The following TGM2 variants were observed in gnomAD, a reference collection of about 807,000 sequenced individuals.
TGM2 encodes transglutaminase 2, also known as protein-glutamine gamma-glutamyltransferase 2.
A neutral mutation model predicts 75.6 loss-of-function variants in TGM2; 53 were observed. That is an observed-to-expected ratio of 0.70 (90% CI 0.56 to 0.88). The LOEUF (loss-of-function observed/expected upper bound fraction) is 0.88. TGM2 is among the 40% of genes least tolerant of loss of function. The pLI, the probability that TGM2 is intolerant of heterozygous loss-of-function variation, is 0.00. For synonymous variants in TGM2, 374 were observed against 381.1 expected (o/e 0.98, Z 0.22); for missense variants, 842 against 928.5 (o/e 0.91, Z 1.21).
chr20:38,159,093 G>A lies in TGM2; in HGVS notation c.190+2327C>T, dbSNP rs555987523. Reference sequence around the variant, plus strand: ...GGAGGACAGAGATTAGCTTGCTGAGGTGGGAAGGTCAGCAGCAGCCCTTCA... The same window carrying A: ...GGAGGACAGAGATTAGCTTGCTGAGATGGGAAGGTCAGCAGCAGCCCTTCA... On this transcript the variant is annotated intron_variant, in intron 2 of 12. Transcript: ENST00000361475. 5.3e-5 allele frequency among the ~76,000 whole-genome samples: 8 copies of A among 152,314 alleles called. No homozygotes were observed. The South Asian group carries it at 1.7e-3, about 32-fold the overall frequency.
At chr20:38,141,255 T>C in intron 8 of TGM2, 27 bp downstream of exon 8, 1 of 1,537,002 alleles carries the variant, frequency 6.5e-7, no homozygotes, top group African/African-American at 1.4e-5. Flanking sequence ...CCCCATCTGT[T>C]TGACGCGACA....
In TGM2 at chr20:38,129,918, G is replaced by T. The variant is rs573350454; in HGVS notation, c.*301C>A. ...TGGGTGGTCAATGGCTTTCCAAAGG[G>T]CATCTGGGCAGGAGAGGGAATGTAG... On this transcript the variant is annotated 3_prime_UTR_variant, in exon 13 of 13. Coordinates refer to ENST00000361475, the MANE Select transcript of TGM2 (RefSeq NM_004613.4). 6.5e-5 allele frequency: 29 copies of T among 446,718 alleles called. No individual in the cohort carries two copies. Among genetic ancestry groups the T allele is most frequent in the African/African-American group, 4.9e-4 (25 of 51,052 alleles). 27.7% of individuals were successfully genotyped at this position (446,718 alleles called of 1,614,324 possible).
At position 38,139,464 on chromosome 20, in the gene TGM2, G is replaced by A. The variant is rs868555162; in HGVS notation, c.1290C>T (p.Ser430=). 4 of 1,614,156 alleles carry A rather than the reference G, an allele frequency of 2.5e-6. No individual in the cohort carries two copies. In the Middle Eastern group the frequency reaches 4.9e-4, roughly 200 times the overall value. ...TATCCTCCCGCTCGTCTCGGCCCACGCTCTTAGTGCTGATCTTCAGCCCAA... is the reference window on the plus strand; with the variant it reads ...TATCCTCCCGCTCGTCTCGGCCCACACTCTTAGTGCTGATCTTCAGCCCAA... The part of the protein sequence containing the change: ...LIVGLKISTK[S]VGRDEREDIT... The change falls in exon 9 of 13, where the codon AGC becomes AGT. Residue 430 remains serine, a synonymous_variant. Transcript: ENST00000361475.
Position 38,165,042 on chromosome 20 carries a change from C to T in TGM2, c.10+147G>A. 3 of 1,175,490 alleles carry T rather than the reference C, an allele frequency of 2.6e-6. No homozygotes were observed. The South Asian group carries it at 3.9e-5, about 15-fold the overall frequency. The allele number at this position is 1,175,490 out of a possible 1,614,324, so 72.8% of individuals were successfully genotyped here. ...TGCAGTGTGGATGGGGAAACTGAGG[C>T]TCCAAGCAGCATTGAGACGCCTCCT... On this transcript the variant is annotated intron_variant, in intron 1 of 12. Coordinates refer to ENST00000361475, the MANE Select transcript of TGM2 (RefSeq NM_004613.4).
Position 38,131,243 on chromosome 20 carries a change from TGGGGCAGATGTCAAGGGCA to T in TGM2, c.1777-33_1777-15del, listed in dbSNP as rs1273968426. On this transcript the variant is annotated splice_polypyrimidine_tract_variant and intron_variant, in intron 11 of 12. Transcript: ENST00000361475. The stretch of plus-strand genomic sequence containing the variant: ...CTCCCCAAGGATCTGGAAGAGGGCA[TGGGGCAGATGTCAAGGGCA>T]GGTGGGATCCAGGCTGGGCTGTCTG... 6.2e-7 allele frequency: 1 copy of T among 1,613,306 alleles called. No individual in the cohort carries two copies. Among genetic ancestry groups the T allele is most frequent in the Non-Finnish European group, 8.5e-7 (1 of 1,179,990 alleles).
chr20:38,134,039 G>T (rs1259553836), intron 10 of TGM2, among the ~76,000 whole-genome samples: 1 of 152,230 alleles, frequency 6.6e-6, no homozygotes, highest in Non-Finnish European at 1.5e-5. Context: ...GCTAAAGAGG[G>T]AGATTGGCAA....
intron 10 of TGM2, 160 bp downstream of exon 10, chr20:38,137,953 G>A (rs2074919917): frequency 7.0e-7 from 1 of 1,429,492 alleles, no homozygotes; most frequent in African/African-American, 1.4e-5. Flanking sequence ...TAAGAATTAA[G>A]TGGGTTGATA....
chr20:38,138,004 G>T (rs926030132), intron 10 of TGM2, 109 bp downstream of exon 10: 16 of 1,482,798 alleles, frequency 1.1e-5, no homozygotes, highest in Admixed American at 2.3e-5. Flanking sequence ...CAGAGTCAGC[G>T]CCATGTAAGT....
At position 38,131,844 on chromosome 20, in the gene TGM2, C is replaced by G. The variant is rs138939667; in HGVS notation, c.1776+496G>C. Reference sequence around the variant, plus strand: ...CCCTTATCATGTGCTGAGGATGGCTCTATGTGTTTCCTGTGGATATGCTTT... The same window carrying G: ...CCCTTATCATGTGCTGAGGATGGCTGTATGTGTTTCCTGTGGATATGCTTT... On this transcript the variant is annotated intron_variant, in intron 11 of 12. Transcript: ENST00000361475. 4.7e-3 allele frequency among the ~76,000 whole-genome samples: 717 copies of G among 152,168 alleles called. 2 individuals are homozygous for G. The highest frequency in any genetic ancestry group is 0.017 in the African/African-American group (694 of 41,484).
intron 10 of TGM2, 74 bp downstream of exon 10, chr20:38,138,039 C>G: frequency 6.6e-7 from 1 of 1,508,324 alleles, no homozygotes; most frequent in Non-Finnish European, 8.9e-7. Context: ...ATCACACATG[C>G]TAAGTGGTTA....
chr20:38,152,304 C>T (rs1410093234), intron 3 of TGM2, among the ~76,000 whole-genome samples: 1 of 152,168 alleles, frequency 6.6e-6, no homozygotes, highest in Non-Finnish European at 1.5e-5. Context: ...CCGTCTGCAG[C>T]AACCAGCAGC....
chr20:38,135,945 C>T (rs553136897), intron 10 of TGM2, among the ~76,000 whole-genome samples: 37 of 152,276 alleles, frequency 2.4e-4, no homozygotes, highest in African/African-American at 7.7e-4. Flanking sequence ...ATGTAACAGG[C>T]GAGCATGACC....
At chr20:38,159,598 C>T (rs2075230765) in intron 2 of TGM2, among the ~76,000 whole-genome samples, 1 of 152,214 alleles carries the variant, frequency 6.6e-6, no homozygotes, top group South Asian at 2.1e-4. Flanking sequence ...AGCAGCTCAT[C>T]TACCATTCCA....
intron 3 of TGM2, among the ~76,000 whole-genome samples, chr20:38,155,292 G>A (rs563291762): frequency 1.3e-5 from 2 of 152,248 alleles, no homozygotes; most frequent in East Asian, 1.9e-4. Flanking sequence ...CAAACAGCGA[G>A]TGAAGTCCCT....
chr20:38,148,802 AC>A (rs1237717373), intron 4 of TGM2, among the ~76,000 whole-genome samples: 2 of 151,846 alleles, frequency 1.3e-5, no homozygotes, highest in Non-Finnish European at 2.9e-5. Context: ...CAGGGCTCAC[AC>A]CTCCTCATCC....
At chr20:38,165,041 G>T (rs2075296124) in intron 1 of TGM2, 148 bp downstream of exon 1, 6 of 1,160,532 alleles carry the variant, frequency 5.2e-6, no homozygotes, top group Non-Finnish European at 7.6e-6. Flanking sequence ...GGAAACTGAG[G>T]CTCCAAGCAG....
chr20:38,164,493 C>G (rs1040680810), intron 1 of TGM2, among the ~76,000 whole-genome samples: 3 of 152,184 alleles, frequency 2.0e-5, no homozygotes, highest in African/African-American at 4.8e-5. Flanking sequence ...CCACTCCTCT[C>G]GTTCCTCACA....
rs368418210 is a variant in TGM2, at chr20:38,156,092, G to A, written c.191-3C>T. 5 of 1,611,690 alleles carry A rather than the reference G, an allele frequency of 3.1e-6. No homozygotes were observed. Among genetic ancestry groups the A allele is most frequent in the Middle Eastern group, 3.4e-4 (2 of 5,798 alleles). On this transcript the variant is annotated splice_polypyrimidine_tract_variant and splice_region_variant and intron_variant, in intron 2 of 12. Coordinates refer to ENST00000361475, the MANE Select transcript of TGM2 (RefSeq NM_004613.4). ...GGCCTCCTGGCTAGGGGCTGGGCCT[G>A]TGGAGGGAGAAGCAGTAGCCGTGAG...
chr20:38,138,421 G>A (rs894646144), intron 9 of TGM2, 36 bp from the exon 10 acceptor site: 1 of 1,612,592 alleles, frequency 6.2e-7, no homozygotes, highest in Non-Finnish European at 8.5e-7. Flanking sequence ...AATCACAGCT[G>A]GAATAGATCA....
Sources: allele counts gnomAD v4.1 joint callset (sites outside exome capture counted in the v4.1 genomes callset), GRCh38; gene constraint gnomAD v4.1.1; transcripts MANE v1.5; gene names NCBI Gene and HGNC (gene_info 2026-07-23, HGNC 2026-07-21).